The following NR1H3 variants were observed in gnomAD, a reference collection of about 807,000 sequenced individuals.
NR1H3 encodes the protein oxysterols receptor LXR-alpha.
NR1H3 carries 19 observed loss-of-function variants against 48.1 expected under a neutral mutation model. The observed-to-expected ratio is 0.40, with a 90% CI of 0.28 to 0.58. The LOEUF is 0.58. Among genes scored for constraint, NR1H3 ranks in the 20% least tolerant of loss-of-function variants. NR1H3 has a pLI of 0.50. For missense variants in NR1H3, 486 were observed against 595.9 expected (o/e 0.82, Z 1.92); for synonymous variants, 232 against 227.3 (o/e 1.02, Z -0.19).
In NR1H3 at chr11:47,261,621, C is replaced by T. The variant is rs1955878719; in HGVS notation, c.783C>T (p.Ala261=). ...GCTTTGCCCACTTCACTGAGCTGGCCATCGTCTCTGTGCAGGAGATAGTTG... is the reference window on the plus strand; with the variant it reads ...GCTTTGCCCACTTCACTGAGCTGGCTATCGTCTCTGTGCAGGAGATAGTTG... ...QQRFAHFTEL[A]IVSVQEIVDF... The change falls in exon 6 of 10, where the codon GCC becomes GCT. Residue 261 remains alanine, a synonymous_variant. Transcript: ENST00000441012. 3.7e-6 allele frequency: 6 copies of T among 1,614,124 alleles called. No homozygotes were observed. The highest frequency in any genetic ancestry group is 5.1e-6 in the Non-Finnish European group (6 of 1,180,050).
Position 47,261,548 on chromosome 11 carries a change from C to T in NR1H3, c.710C>T (p.Pro237Leu). The stretch of plus-strand genomic sequence containing the variant: ...CTTTGCCTTTTCCCTCCTGGGTAGC[C>T]TTGGCCCATGGCACCAGATCCCCAT... ...RSFSDRLRVT[P>L]WPMAPDPHSR... Residue 237 changes from proline (P) to leucine (L), a missense_variant and splice_region_variant, in exon 6 of 10, where the codon CCT (proline) becomes CTT (leucine). Physicochemically the swap from Pro to Leu is moderately conservative, Grantham distance 98. Transcript: ENST00000441012. 1 of 1,613,998 alleles carries T rather than the reference C, an allele frequency of 6.2e-7. No individual in the cohort carries two copies. Among genetic ancestry groups the T allele is most frequent in the Non-Finnish European group, 8.5e-7 (1 of 1,179,826 alleles).
In NR1H3 at chr11:47,259,173, C is replaced by A. The variant is rs200557846; in HGVS notation, c.-37-7C>A. The A allele has an allele frequency of 2.2e-3, 3,623 of 1,614,088 alleles. 5 individuals are homozygous for A. The highest frequency in any genetic ancestry group is 2.8e-3 in the Non-Finnish European group (3,347 of 1,179,958). The stretch of plus-strand genomic sequence containing the variant: ...CTAGAAGAGTATAATCTGGGTCCTT[C>A]CTGCAGGACAGTGCCTTGGTAATGA... On this transcript the variant is annotated splice_region_variant and splice_polypyrimidine_tract_variant and intron_variant, in intron 1 of 9. Transcript: ENST00000441012.
intron 7 of NR1H3, among the ~76,000 whole-genome samples, 184 bp from the exon 8 acceptor site, chr11:47,267,729 G>A (rs1336425236): frequency 6.6e-6 from 1 of 152,046 alleles, no homozygotes; most frequent in Non-Finnish European, 1.5e-5. Flanking sequence ...GGCTCTTCTC[G>A]AACTCCTGAC....
rs771097925 is a variant in NR1H3 at position 47,261,991 on chromosome 11, T to A, written c.961T>A (p.Tyr321Asn). 6.2e-6 allele frequency: 10 copies of A among 1,613,712 alleles called. No homozygotes were observed. Among genetic ancestry groups the A allele is most frequent in the Non-Finnish European group, 8.5e-6 (10 of 1,179,702 alleles). ...TATCACCTTCCTCAAGGATTTCAGT[T>A]ATAACCGGGAAGACTTTGCCAAAGC... ...ESITFLKDFSYNREDFAKAGL... is the reference protein window; with the variant it reads ...ESITFLKDFSNNREDFAKAGL... Residue 321 changes from tyrosine to asparagine, a missense_variant, in exon 7 of 10, where the codon TAT becomes AAT. By Grantham distance (143) the Tyr-to-Asn change is moderately radical. Transcript: ENST00000441012.
chr11:47,255,011 G>A (rs1027983193), upstream of NR1H3, among the ~76,000 whole-genome samples: 10 of 152,214 alleles, frequency 6.6e-5, no homozygotes, highest in South Asian at 2.1e-4. Context: ...AGGAAGAGCC[G>A]GTGAGCAGGA....
intron 7 of NR1H3, among the ~76,000 whole-genome samples, chr11:47,265,702 T>C (rs1391798712): frequency 6.6e-6 from 1 of 151,976 alleles, no homozygotes; most frequent in Non-Finnish European, 1.5e-5. Flanking sequence ...TGAAATCCTG[T>C]CTCTACTAAA....
intron 7 of NR1H3, 126 bp downstream of exon 7, chr11:47,262,144 C>T (rs898137559): frequency 9.2e-6 from 6 of 654,328 alleles, no homozygotes; most frequent in Non-Finnish European, 1.6e-5. Flanking sequence ...CTTTGGGAGG[C>T]CGAGGTGGGC....
At chr11:47,252,748 G>GCGTGTGTGTGTGTGTGTGTGT (rs1565174853) in intron 1 of NR1H3, among the ~76,000 whole-genome samples, 1 of 149,636 alleles carries the variant, frequency 6.7e-6, no homozygotes, top group Non-Finnish European at 1.5e-5. Flanking sequence ...TAATTTTTTT[G>GCGTGTGTGTGTGTGTGTGTGT]GCTTTTTTTT....
upstream of NR1H3, among the ~76,000 whole-genome samples, chr11:47,256,686 A>G (rs895873034): frequency 4.0e-5 from 6 of 151,454 alleles, no homozygotes; most frequent in Non-Finnish European, 8.8e-5. Context: ...TAATAAAAAA[A>G]ATTGACTAGG....
At chr11:47,255,599 C>CTTTCTG (rs1443017528), upstream of NR1H3, among the ~76,000 whole-genome samples, 1 of 90,358 alleles carries the variant, frequency 1.1e-5, no homozygotes, top group Non-Finnish European at 2.3e-5. Context: ...CTTTCTTTCT[C>CTTTCTG]TCTCTCTCTC....
chr11:47,248,633 T>G, upstream of NR1H3: 1 of 1,579,584 alleles, frequency 6.3e-7, no homozygotes, highest in Non-Finnish European at 8.6e-7. Context: ...GCCTTTGCCC[T>G]TTTAGCTTCA....
At chr11:47,253,280 T>C (rs1954818797), upstream of NR1H3, among the ~76,000 whole-genome samples, 1 of 152,200 alleles carries the variant, frequency 6.6e-6, no homozygotes, top group Non-Finnish European at 1.5e-5. Flanking sequence ...TATACCTGTA[T>C]TCAAATTTGA....
rs1220668539 is a variant in NR1H3, at chr11:47,267,999, C to T, written c.1075C>T (p.Leu359Phe). ...ACTCAATGATGCCGAGTTTGCCTTG[C>T]TCATTGCTATCAGCATCTTCTCTGC... ...LQLNDAEFAL[L>F]IAISIFSADR... The change falls in exon 8 of 10, where the codon CTC becomes TTC. Residue 359 changes from leucine to phenylalanine, a missense_variant. By Grantham distance (22) the Leu-to-Phe change is conservative. Coordinates refer to ENST00000441012, the MANE Select transcript of NR1H3 (RefSeq NM_005693.4). The T allele has an allele frequency of 1.8e-5, 29 of 1,613,852 alleles. No homozygotes were observed. The highest frequency in any genetic ancestry group is 2.5e-5 in the Non-Finnish European group (29 of 1,179,898).
chr11:47,256,654 TAAA>T (rs59002769), upstream of NR1H3, among the ~76,000 whole-genome samples: 1 of 92,130 alleles, frequency 1.1e-5, no homozygotes, highest in Non-Finnish European at 2.5e-5. Flanking sequence ...CCAAAAAAGG[TAAA>T]AAAAAAAAAA....
In NR1H3 at chr11:47,259,242, T is replaced by C. The variant is rs1175952598; in HGVS notation, c.26T>C (p.Val9Ala). The C allele has an allele frequency of 6.2e-7, 1 of 1,614,200 alleles. No homozygotes were observed. ...ATGTCCTTGTGGCTGGGGGCCCCTG[T>C]GCCTGACATTCCTCCTGGTAAGCTT... MSLWLGAP[V>A]PDIPPDSAVE... The change falls in exon 2 of 10, where the codon GTG (valine) becomes GCG (alanine). Residue 9 changes from valine to alanine, a missense_variant. Coordinates refer to ENST00000441012, the MANE Select transcript of NR1H3 (RefSeq NM_005693.4).
upstream of NR1H3, chr11:47,257,729 G>A (rs368399634): frequency 1.0e-6 from 1 of 985,140 alleles, no homozygotes; most frequent in Non-Finnish European, 1.2e-6. Context: ...GCTGCTAAGA[G>A]CGCTGGGTAA....
At chr11:47,259,018 CAT>C in intron 1 of NR1H3, 160 bp from the exon 2 acceptor site, 1 of 1,295,728 alleles carries the variant, frequency 7.7e-7, no homozygotes, top group South Asian at 1.6e-5. Flanking sequence ...CTCTAAAAAA[CAT>C]AATAGTAATA....
At chr11:47,260,346 G>A in intron 3 of NR1H3, 63 bp from the exon 4 acceptor site, 2 of 1,550,964 alleles carry the variant, frequency 1.3e-6, no homozygotes, top group Non-Finnish European at 1.7e-6. Context: ...GGCAGTGGCT[G>A]AGTCAGGGAG....
In NR1H3 at chr11:47,259,895, G is replaced by A; in HGVS notation, c.148G>A (p.Ala50Thr). 1.2e-6 allele frequency: 2 copies of A among 1,612,798 alleles called. No individual in the cohort carries two copies. The highest frequency in any genetic ancestry group is 8.5e-7 in the Non-Finnish European group (1 of 1,179,628). Residue 50 changes from alanine (A) to threonine (T), a missense_variant, in exon 3 of 10, where the codon GCT (alanine) becomes ACT (threonine). By Grantham distance (58) the Ala-to-Thr change is moderately conservative (BLOSUM62 0). Coordinates refer to ENST00000441012, the MANE Select transcript of NR1H3 (RefSeq NM_005693.4). Reference sequence around the variant, plus strand: ...AGAGGAAGCCAGGATGCCCCACTCTGCTGGGGGTACTGCAGGGGTGGGGCT... The same window carrying A: ...AGAGGAAGCCAGGATGCCCCACTCTACTGGGGGTACTGCAGGGGTGGGGCT... ...LREEARMPHSAGGTAGVGLEA... is the reference protein window; with the variant it reads ...LREEARMPHSTGGTAGVGLEA...
Sources: gnomAD v4.1 joint callset for allele counts (sites outside exome capture counted in the v4.1 genomes callset) on GRCh38, gnomAD v4.1.1 for gene constraint, MANE v1.5 for transcripts, NCBI Gene and HGNC (gene_info 2026-07-23, HGNC 2026-07-21) for gene names.